The following OTOA variants were observed in gnomAD, a reference collection of about 807,000 sequenced individuals.
The protein encoded by OTOA is cancer/testis antigen 108.
In OTOA, 70 loss-of-function variants were observed where a neutral mutation model predicts 110.8. The ratio of observed to expected loss-of-function variants is 0.63; its 90% confidence interval spans 0.52 to 0.77. The LOEUF (loss-of-function observed/expected upper bound fraction) is 0.77. Among genes scored for constraint, OTOA ranks in the 30% least tolerant of loss-of-function variants. The pLI is 0.00. For missense variants in OTOA, 917 were observed against 1,075.8 expected (o/e 0.85, Z 2.06); for synonymous variants, 373 against 431.5 (o/e 0.86, Z 1.68).
chr16:21,674,101 T>C (rs2141648676), intron 1 of OTOA, among the ~76,000 whole-genome samples: 1 of 151,992 alleles, frequency 6.6e-6, no homozygotes, highest in African/African-American at 2.4e-5. Flanking sequence ...CCAGCCTGTG[T>C]ACAGGTTTTT....
chr16:21,721,762 C>T (rs1011378834), intron 17 of OTOA, among the ~76,000 whole-genome samples: 2 of 152,004 alleles, frequency 1.3e-5, no homozygotes, highest in Admixed American at 6.6e-5. Flanking sequence ...TATGGTGGCA[C>T]ATGCCTGTAG....
chr16:21,723,088 A>G (rs1004286222), intron 18 of OTOA, 110 bp downstream of exon 18: 9 of 1,096,582 alleles, frequency 8.2e-6, no homozygotes, highest in Non-Finnish European at 1.2e-5. Flanking sequence ...CCAGAGGCAG[A>G]GTGGAGGATG....
At position 21,728,227 on chromosome 16, in the gene OTOA, C is replaced by A; in HGVS notation, c.2017-14C>A. On this transcript the variant is annotated splice_polypyrimidine_tract_variant and intron_variant, in intron 19 of 28. Transcript: ENST00000646100. Reference sequence around the variant, plus strand: ...CTGTTGGAACTGCCCATTGGCTCCACTTTTTGGGTTCAGGACGACTCCATT... The same window carrying A: ...CTGTTGGAACTGCCCATTGGCTCCAATTTTTGGGTTCAGGACGACTCCATT... 1.2e-6 allele frequency: 2 copies of A among 1,614,120 alleles called. No individual in the cohort carries two copies. The highest frequency in any genetic ancestry group is 1.7e-6 in the Non-Finnish European group (2 of 1,179,988).
At chr16:21,719,237 G>A in intron 16 of OTOA, 46 bp downstream of exon 16, 1 of 1,609,232 alleles carries the variant, frequency 6.2e-7, no homozygotes, top group Non-Finnish European at 8.5e-7. Flanking sequence ...GCCTTTCAGA[G>A]CCTTCTGCCA....
chr16:21,696,761 AC>A (rs1050943056), intron 9 of OTOA, among the ~76,000 whole-genome samples: 8 of 151,992 alleles, frequency 5.3e-5, no homozygotes, highest in African/African-American at 1.9e-4. Flanking sequence ...TTTCGTGATT[AC>A]AGGTGTGAGC....
chr16:21,712,184 G>C (rs1898377749), intron 13 of OTOA, among the ~76,000 whole-genome samples: 1 of 151,944 alleles, frequency 6.6e-6, no homozygotes, highest in Admixed American at 6.6e-5. Flanking sequence ...AAAATTAGCT[G>C]GCCATGATGG....
intron 25 of OTOA, 24 bp from the exon 26 acceptor site, chr16:21,752,345 C>G (rs1899854787): frequency 1.8e-6 from 1 of 568,630 alleles, no homozygotes; most frequent in East Asian, 3.0e-5. Context: ...CATATTATAT[C>G]CCTCCCTCTT....
chr16:21,694,764 T>G (rs963356668), intron 9 of OTOA, among the ~76,000 whole-genome samples: 1 of 152,126 alleles, frequency 6.6e-6, no homozygotes, highest in African/African-American at 2.4e-5. Context: ...CCAATCAATC[T>G]TTTCCTGGAA....
intron 9 of OTOA, among the ~76,000 whole-genome samples, 153 bp downstream of exon 9, chr16:21,691,840 G>A (rs1460265948): frequency 1.3e-5 from 2 of 152,146 alleles, no homozygotes; most frequent in Non-Finnish European, 2.9e-5. Context: ...GGCTTATGGA[G>A]TAAAACACAT....
chr16:21,754,731 CCAACCTT>C (rs1899933732), intron 27 of OTOA, among the ~76,000 whole-genome samples: 1 of 27,326 alleles, frequency 3.7e-5, no homozygotes, highest in Non-Finnish European at 8.1e-5. Flanking sequence ...AAAAAGAAAG[CCAACCTT>C]CAATCACTTC....
intron 1 of OTOA, among the ~76,000 whole-genome samples, chr16:21,670,601 A>G (rs1966847754): frequency 6.6e-6 from 1 of 152,188 alleles, no homozygotes; most frequent in South Asian, 2.1e-4. Flanking sequence ...GTTCATTCCA[A>G]CACACCAGCA....
At chr16:21,735,363 G>A (rs867042859) in intron 21 of OTOA, among the ~76,000 whole-genome samples, 2 of 151,682 alleles carry the variant, frequency 1.3e-5, no homozygotes, top group African/African-American at 4.8e-5. Context: ...ACAAGATCTC[G>A]AGAGAACGCA....
intron 21 of OTOA, among the ~76,000 whole-genome samples, chr16:21,732,260 C>T (rs1288121573): frequency 7.2e-5 from 11 of 152,218 alleles, no homozygotes; most frequent in African/African-American, 1.2e-4. Flanking sequence ...CCACCATGCC[C>T]GGCCCTGATG....
In OTOA at chr16:21,760,656, G is replaced by A. The variant is rs983043918; in HGVS notation, c.*116G>A. On this transcript the variant is annotated 3_prime_UTR_variant, in exon 29 of 29. Coordinates refer to ENST00000646100, the MANE Select transcript of OTOA (RefSeq NM_144672.4). ...GGATCCAGACCCTCATCTAGGGCAG[G>A]GAAACCCTGGGGCCTTGATGGTGAA... The A allele has an allele frequency of 5.6e-5, 47 of 831,970 alleles. No individual in the cohort carries two copies. The African/African-American group carries it at 6.6e-4, about 12-fold the overall frequency. The allele number at this position is 831,970 out of a possible 1,614,324, so 51.5% of individuals were successfully genotyped here.
intron 5 of OTOA, 81 bp from the exon 6 acceptor site, chr16:21,681,657 C>A: frequency 8.3e-7 from 1 of 1,202,234 alleles, no homozygotes; most frequent in Non-Finnish European, 1.2e-6. Flanking sequence ...CCCTACCTGT[C>A]CCCTGGGCAC....
intron 7 of OTOA, among the ~76,000 whole-genome samples, chr16:21,687,091 G>A (rs771795045): frequency 8.8e-4 from 134 of 152,164 alleles, no homozygotes; most frequent in Admixed American, 3.3e-3. Context: ...CTTCACGAAG[G>A]TGATGGCAAT....
At chr16:21,666,093 G>A (rs1466936183) in intron 1 of OTOA, among the ~76,000 whole-genome samples, 1 of 152,022 alleles carries the variant, frequency 6.6e-6, no homozygotes, top group Non-Finnish European at 1.5e-5. Flanking sequence ...AAAGTGCTGG[G>A]GTTACAGGAG....
intron 1 of OTOA, among the ~76,000 whole-genome samples, chr16:21,677,896 A>G (rs1289975358): frequency 1.5e-5 from 2 of 137,360 alleles, no homozygotes; most frequent in Non-Finnish European, 1.5e-5. Flanking sequence ...TAGAGTCTAT[A>G]CTTTTTTTTT....
At chr16:21,721,728 A>G (rs2141708523) in intron 17 of OTOA, among the ~76,000 whole-genome samples, 1 of 152,126 alleles carries the variant, frequency 6.6e-6, no homozygotes, top group East Asian at 1.9e-4. Context: ...CTAACTCTAC[A>G]AAAAAATACA....
Sources: allele counts gnomAD v4.1 joint callset (sites outside exome capture counted in the v4.1 genomes callset), GRCh38; gene constraint gnomAD v4.1.1; transcripts MANE v1.5; gene names NCBI Gene and HGNC (gene_info 2026-07-23, HGNC 2026-07-21).